SEMA4D: variants seen among roughly 807,000 people sequenced by gnomAD.
SEMA4D encodes semaphorin-4D.
A neutral mutation model predicts 74.8 loss-of-function variants in SEMA4D; 22 were observed. The observed-to-expected ratio is 0.29, with a 90% CI of 0.21 to 0.42. SEMA4D has a LOEUF of 0.42. Among genes scored for constraint, SEMA4D ranks in the 10% least tolerant of loss-of-function variants. The probability of loss-of-function intolerance (pLI) is 1.00; values close to 1 mark genes in which losing one functional copy is unlikely to be tolerated. For synonymous variants in SEMA4D, 445 were observed against 463.7 expected (o/e 0.96, Z 0.52); for missense variants, 937 against 1,118.4 (o/e 0.84, Z 2.31).
In SEMA4D at chr9:89,446,060, A is replaced by T. The variant is rs1287004938; in HGVS notation, c.-244+9828T>A. The stretch of plus-strand genomic sequence containing the variant: ...TGCTTCCCAGGCAACAGCTTTCCTT[A>T]GTCTACCGATTCTCATGTCAACCTC... On this transcript the variant is annotated intron_variant, in intron 2 of 15. Coordinates refer to ENST00000422704, the MANE Select transcript of SEMA4D (RefSeq NM_001371194.2). 3.3e-5 allele frequency among the ~76,000 whole-genome samples: 5 copies of T among 152,018 alleles called. 1 individual carries two copies. In the South Asian group the frequency reaches 1.0e-3, roughly 32 times the overall value.
At chr9:89,458,805 T>C (rs975391986) in intron 1 of SEMA4D, among the ~76,000 whole-genome samples, 23 of 151,998 alleles carry the variant, frequency 1.5e-4, no homozygotes, top group African/African-American at 5.6e-4. Context: ...TACACACTTA[T>C]ACACCTAAAC....
intron 13 of SEMA4D, chr9:89,386,034 C>T (rs1439305378): frequency 1.1e-5 from 11 of 985,306 alleles, no homozygotes; most frequent in Non-Finnish European, 1.2e-5. Flanking sequence ...ATGCAGTCTG[C>T]ACACCCCCCA....
In SEMA4D at chr9:89,391,331, G is replaced by C; in HGVS notation, c.707C>G (p.Thr236Arg). 1 of 1,614,220 alleles carries C rather than the reference G, an allele frequency of 6.2e-7. No individual in the cohort carries two copies. Among genetic ancestry groups the C allele is most frequent in the South Asian group, 1.1e-5 (1 of 91,082 alleles). Residue 236 changes from threonine to arginine, a missense_variant, in exon 9 of 16, where the codon ACG becomes AGG. Transcript: ENST00000422704. ...GEDDRVYFFF[T>R]EVSVEYEFVF... is the part of the protein sequence containing the mutation. ...AAACTCATACTCCACAGACACCTCC[G>C]TGAAGAAGAAGTAGACCCTGTCATC...
At position 89,446,806 on chromosome 9, in the gene SEMA4D, G is replaced by A. The variant is rs560228313; in HGVS notation, c.-244+9082C>T. Among the ~76,000 whole-genome samples, 10 of 152,174 alleles carry A rather than the reference G, an allele frequency of 6.6e-5. No homozygotes were observed. The South Asian group carries it at 1.0e-3, about 16-fold the overall frequency. On this transcript the variant is annotated intron_variant, in intron 2 of 15. Coordinates refer to ENST00000422704, the MANE Select transcript of SEMA4D (RefSeq NM_001371194.2). ...GGAGGACAGTGACTCCCCTCAGGAC[G>A]TGCCTTCCACTCCCCACACCACGCT...
In SEMA4D at chr9:89,381,241, G is replaced by C; in HGVS notation, c.1552C>G (p.Pro518Ala). ...GTGGGCGGGCTCCAGGCGCAGTAGGGGTCCCGCGCCAGCACACAGTCCTCG... is the reference window on the plus strand; with the variant it reads ...GTGGGCGGGCTCCAGGCGCAGTAGGCGTCCCGCGCCAGCACACAGTCCTCG... ...TCEDCVLARD[P>A]YCAWSPPTAT... is the part of the protein sequence containing the mutation. The change falls in exon 14 of 16, where the codon CCC becomes GCC. Residue 518 changes from proline (P) to alanine (A), a missense_variant. Transcript: ENST00000422704. This position sits in a 1 kb window ranked among gnomAD's most constrained non-coding sequence, Gnocchi z 4.6. 1 of 1,605,552 alleles carries C rather than the reference G, an allele frequency of 6.2e-7. No individual in the cohort carries two copies.
intron 4 of SEMA4D, 129 bp downstream of exon 4, chr9:89,402,742 T>C: frequency 1.0e-6 from 1 of 958,152 alleles, no homozygotes; most frequent in Non-Finnish European, 1.5e-6. Flanking sequence ...CACCCAAAGA[T>C]GGGGCTGCAT....
chr9:89,457,281 G>C (rs926359396), intron 1 of SEMA4D, among the ~76,000 whole-genome samples: 1 of 152,124 alleles, frequency 6.6e-6, no homozygotes, highest in Admixed American at 6.6e-5. Context: ...TGTGACGCTC[G>C]GGATGCTGCT....
intron 1 of SEMA4D, among the ~76,000 whole-genome samples, chr9:89,496,388 C>T (rs1415370394): frequency 2.0e-5 from 3 of 152,162 alleles, no homozygotes; most frequent in Non-Finnish European, 1.5e-5. Context: ...CGTCTACCAA[C>T]TCCTAAGCGG....
intron 2 of SEMA4D, among the ~76,000 whole-genome samples, chr9:89,452,339 C>T (rs1323644180): frequency 6.6e-5 from 10 of 152,002 alleles, no homozygotes; most frequent in East Asian, 5.8e-4. Flanking sequence ...CCACAATGCC[C>T]GGCTAATTTT....
chr9:89,409,350 G>T (rs1404656914), intron 2 of SEMA4D, among the ~76,000 whole-genome samples: 1 of 152,128 alleles, frequency 6.6e-6, no homozygotes, highest in East Asian at 1.9e-4. Flanking sequence ...GTATGCATTT[G>T]TCCGAGCCTA....
chr9:89,383,231 G>C lies in SEMA4D; in HGVS notation c.1447-1885C>G, dbSNP rs147095675. On this transcript the variant is annotated intron_variant, in intron 13 of 15. Coordinates refer to ENST00000422704, the MANE Select transcript of SEMA4D (RefSeq NM_001371194.2). ...GCAAATAAGCATGAATGACTGTGGG[G>C]GTTTCCCACATGACTCCCCTGGGAG... Among the ~76,000 whole-genome samples, 483 of 152,254 alleles carry C rather than the reference G, an allele frequency of 3.2e-3. 1 individual carries two copies. The highest frequency in any genetic ancestry group is 0.011 in the African/African-American group (456 of 41,542).
chr9:89,464,258 T>C (rs1858087332), intron 1 of SEMA4D, among the ~76,000 whole-genome samples: 2 of 152,186 alleles, frequency 1.3e-5, no homozygotes, highest in South Asian at 4.1e-4. Flanking sequence ...TACTTAATTG[T>C]AAATTGAATT....
intron 1 of SEMA4D, among the ~76,000 whole-genome samples, chr9:89,495,194 G>C (rs149810173): frequency 2.0e-5 from 3 of 152,170 alleles, no homozygotes; most frequent in African/African-American, 7.2e-5. Flanking sequence ...ATGCCCCAGG[G>C]GAAGCAGCAA....
exon 17 of SEMA4D, chr9:89,363,930 C>A (rs1246447136): frequency 4.3e-6 from 7 of 1,614,104 alleles, no homozygotes; most frequent in Non-Finnish European, 5.9e-6. Context: ...TTCTCCCAGA[C>A]AAAGCGAATG....
chr9:89,402,059 T>C (rs1448783130), intron 4 of SEMA4D, among the ~76,000 whole-genome samples: 2 of 152,138 alleles, frequency 1.3e-5, no homozygotes, highest in African/African-American at 4.8e-5. Context: ...AAAGACACCA[T>C]GAGTGGGGCT....
intron 1 of SEMA4D, among the ~76,000 whole-genome samples, chr9:89,483,804 A>C (rs1399158477): frequency 1.3e-5 from 2 of 152,170 alleles, no homozygotes. Flanking sequence ...GTCTGAAGCC[A>C]GCCAGGCATG....
chr9:89,385,160 G>A (rs2132935094), intron 13 of SEMA4D: 2 of 885,822 alleles, frequency 2.3e-6, no homozygotes, highest in Non-Finnish European at 2.7e-6. Flanking sequence ...CCCCCTCTGT[G>A]CGGCCCTCCT....
Position 89,428,048 on chromosome 9 carries a change from G to A in SEMA4D, c.-243-22349C>T, listed in dbSNP as rs1245366043. On this transcript the variant is annotated intron_variant, in intron 2 of 15. Transcript: ENST00000422704. ...GAGGGGTGGACTCTGCCCTGTAGGCGTGGGTGGCTTAGGGCTGACCTGAGA... is the reference window on the plus strand; with the variant it reads ...GAGGGGTGGACTCTGCCCTGTAGGCATGGGTGGCTTAGGGCTGACCTGAGA... Among the ~76,000 whole-genome samples the A allele has an allele frequency of 2.6e-5, 4 of 152,184 alleles. No homozygotes were observed. In the East Asian group the frequency reaches 5.8e-4, roughly 22 times the overall value.
rs867487992 is a variant in SEMA4D, at chr9:89,388,862, G to T, written c.950+10C>A. 1 of 1,612,650 alleles carries T rather than the reference G, an allele frequency of 6.2e-7. No individual in the cohort carries two copies. The highest frequency in any genetic ancestry group is 1.6e-4 in the Middle Eastern group (1 of 6,062). On this transcript the variant is annotated intron_variant, in intron 10 of 15. Coordinates refer to ENST00000422704, the MANE Select transcript of SEMA4D (RefSeq NM_001371194.2). ...GGAGCAAGGAGGGGGACTCCACCCA[G>T]GGCACTTACAGCTGTGGGGTGAAGA...
Sources: allele counts gnomAD v4.1 joint callset (sites outside exome capture counted in the v4.1 genomes callset), GRCh38; gene constraint gnomAD v4.1.1; non-coding constraint Gnocchi (gnomAD v3.1); transcripts MANE v1.5; gene names NCBI Gene and HGNC (gene_info 2026-07-23, HGNC 2026-07-21).